GALNT18: variants seen among roughly 807,000 people sequenced by gnomAD.
The protein encoded by GALNT18 is GalNAc-transferase 18.
GALNT18 carries 44 observed loss-of-function variants against 69.5 expected under a neutral mutation model. The ratio of observed to expected loss-of-function variants is 0.63; its 90% CI spans 0.50 to 0.81. The LOEUF is 0.81. Among genes scored for constraint, GALNT18 ranks in the 40% least tolerant of loss-of-function variants. The probability of loss-of-function intolerance (pLI) is 0.00; values close to 1 mark genes in which losing one functional copy is unlikely to be tolerated. For synonymous variants in GALNT18, 364 were observed against 318.2 expected, an observed-to-expected ratio of 1.14 and a Z score of -1.53; for missense variants, 715 against 810.0, an observed-to-expected ratio of 0.88 and a Z score of 1.42.
chr11:11,426,105 G>A (rs1448345932), intron 3 of GALNT18, among the ~76,000 whole-genome samples: 2 of 152,208 alleles, frequency 1.3e-5, no homozygotes, highest in Non-Finnish European at 2.9e-5. Context: ...GAGCCTGGTC[G>A]CTACTGTCAG....
intron 3 of GALNT18, among the ~76,000 whole-genome samples, chr11:11,419,777 C>T (rs1010386567): frequency 1.3e-5 from 2 of 148,850 alleles, no homozygotes; most frequent in Non-Finnish European, 3.0e-5. Context: ...CTTTACGTCT[C>T]CTCCCTAAAA....
At chr11:11,593,874 T>G (rs1292299545) in intron 1 of GALNT18, among the ~76,000 whole-genome samples, 5 of 152,258 alleles carry the variant, frequency 3.3e-5, no homozygotes, top group Non-Finnish European at 7.3e-5. Flanking sequence ...ATGAGCCTCA[T>G]GCTCATTGGA....
chr11:11,455,758 C>A (rs1373704642), intron 1 of GALNT18, among the ~76,000 whole-genome samples: 1 of 152,148 alleles, frequency 6.6e-6, no homozygotes, highest in Admixed American at 6.5e-5. Flanking sequence ...AAGCAAGTAT[C>A]CCAAAGCTCA....
In GALNT18 at chr11:11,489,208, T is replaced by C. The variant is rs566858573; in HGVS notation, c.236-40272A>G. The stretch of plus-strand genomic sequence containing the variant: ...TATTCCATCCCCACAGGAGTATGAA[T>C]GGGGGAGCATTATTATGACAGTGAA... On this transcript the variant is annotated intron_variant, in intron 1 of 10. Coordinates refer to ENST00000227756, the MANE Select transcript of GALNT18 (RefSeq NM_198516.3). 1.3e-4 allele frequency among the ~76,000 whole-genome samples: 20 copies of C among 152,264 alleles called. No homozygotes were observed. In the East Asian group the frequency reaches 1.9e-3, roughly 15 times the overall value.
chr11:11,415,834 C>A lies in GALNT18; in HGVS notation c.595+16787G>T, dbSNP rs1414246121. ...TAGAATTCAGGAATTCAGCAAGCAG[C>A]AACGCTCTCCACTGTTGGACTCACA... On this transcript the variant is annotated intron_variant, in intron 3 of 10. Transcript: ENST00000227756. The surrounding 1 kb of genome is among the most constrained non-coding windows in gnomAD (Gnocchi z 4.1). Among the ~76,000 whole-genome samples, 1 of 152,188 alleles carries A rather than the reference C, an allele frequency of 6.6e-6. No individual in the cohort carries two copies. The highest frequency in any genetic ancestry group is 1.5e-5 in the Non-Finnish European group (1 of 68,040).
At chr11:11,531,903 G>A (rs35242414) in intron 1 of GALNT18, among the ~76,000 whole-genome samples, 13,434 of 152,238 alleles carry the variant, frequency 0.088, 777 homozygotes, top group Non-Finnish European at 0.13. Context: ...GGATGTGTAT[G>A]TGTTTTATGT....
rs541436169 is a variant in GALNT18, at chr11:11,583,026, T to C, written c.235+38333A>G. ...TCCCAAAATGAGAGGCATGGGACTC[T>C]AAGTCCTGCCAACACTCAACTCAGG... On this transcript the variant is annotated intron_variant, in intron 1 of 10. Transcript: ENST00000227756. The surrounding 1 kb of genome is among the most constrained non-coding windows in gnomAD (Gnocchi z 4.7). Among the ~76,000 whole-genome samples the C allele has an allele frequency of 1.7e-4, 26 of 152,320 alleles. No homozygotes were observed. Among genetic ancestry groups the C allele is most frequent in the Admixed American group, 3.3e-4 (5 of 15,300 alleles).
intron 1 of GALNT18, among the ~76,000 whole-genome samples, chr11:11,539,667 C>A (rs1490642430): frequency 6.6e-6 from 1 of 152,174 alleles, no homozygotes; most frequent in Admixed American, 6.5e-5. Flanking sequence ...GGGTTCCATG[C>A]ACCCCGCTTC....
rs1181826606 is a variant in GALNT18, at chr11:11,586,744, CG to C, written c.235+34614del. On this transcript the variant is annotated intron_variant, in intron 1 of 10. Coordinates refer to ENST00000227756, the MANE Select transcript of GALNT18 (RefSeq NM_198516.3). The surrounding 1 kb of genome is among the most constrained non-coding windows in gnomAD (Gnocchi z 4.1). ...ATCACAGCCCTTTGGGACGCCGAGG[CG>C]GGCAGATCACCTGAGGTCAGGAGTT... is the stretch of plus-strand genomic sequence containing the variant. 6.6e-6 allele frequency among the ~76,000 whole-genome samples: 1 copy of C among 152,056 alleles called. No individual in the cohort carries two copies. Among genetic ancestry groups the C allele is most frequent in the Admixed American group, 6.6e-5 (1 of 15,256 alleles).
At chr11:11,417,968 T>C (rs932476831) in intron 3 of GALNT18, among the ~76,000 whole-genome samples, 2 of 152,260 alleles carry the variant, frequency 1.3e-5, no homozygotes, top group Non-Finnish European at 2.9e-5. Context: ...CAAATAGCTC[T>C]TGTCTGTATT....
intron 3 of GALNT18, among the ~76,000 whole-genome samples, chr11:11,385,706 G>A (rs1186735991): frequency 5.3e-5 from 8 of 152,154 alleles, no homozygotes; most frequent in Non-Finnish European, 1.0e-4. Flanking sequence ...AGAAGTAGTT[G>A]TCAATTAGGG....
At chr11:11,351,876 G>A (rs1589928765) in intron 6 of GALNT18, 2 of 1,241,262 alleles carry the variant, frequency 1.6e-6, no homozygotes, top group Non-Finnish European at 2.3e-6. Context: ...CCCGCCAGGC[G>A]CAAGCTGCAT....
intron 1 of GALNT18, among the ~76,000 whole-genome samples, chr11:11,504,449 A>C (rs1475827258): frequency 6.6e-6 from 1 of 151,238 alleles, no homozygotes; most frequent in Admixed American, 6.6e-5. Flanking sequence ...GAAAAAAAAA[A>C]CTTGATCACA....
At chr11:11,281,868 C>T (rs1343888622) in intron 10 of GALNT18, among the ~76,000 whole-genome samples, 1 of 151,838 alleles carries the variant, frequency 6.6e-6, no homozygotes, top group African/African-American at 2.4e-5. Flanking sequence ...CTGAGCCTGT[C>T]AGGGAGGGTG....
intron 1 of GALNT18, among the ~76,000 whole-genome samples, chr11:11,571,434 C>T (rs1291822198): frequency 6.6e-6 from 1 of 152,214 alleles, no homozygotes; most frequent in East Asian, 1.9e-4. Flanking sequence ...TAGCTCTGCT[C>T]TCTGAGTCCG....
At position 11,603,767 on chromosome 11, in the gene GALNT18, G is replaced by A. The variant is rs1251893138; in HGVS notation, c.235+17592C>T. Among the ~76,000 whole-genome samples the A allele has an allele frequency of 6.6e-6, 1 of 152,100 alleles. No individual in the cohort carries two copies. The highest frequency in any genetic ancestry group is 1.5e-5 in the Non-Finnish European group (1 of 68,040). On this transcript the variant is annotated intron_variant, in intron 1 of 10. Coordinates refer to ENST00000227756, the MANE Select transcript of GALNT18 (RefSeq NM_198516.3). The surrounding 1 kb of genome is among the most constrained non-coding windows in gnomAD (Gnocchi z 4.5). The stretch of plus-strand genomic sequence containing the variant: ...AAGGTCTCCCAAGAGGGGAAAAGGG[G>A]GACAGAAATTACTGAAATCAGAGTT...
intron 1 of GALNT18, among the ~76,000 whole-genome samples, chr11:11,481,283 T>G (rs1235673313): frequency 1.0e-4 from 1 of 9,896 alleles, no homozygotes; most frequent in East Asian, 0.17. Context: ...CTACATGCCC[T>G]GTGCTCCTCG....
intron 1 of GALNT18, among the ~76,000 whole-genome samples, chr11:11,610,433 TGTAAA>T (rs1309355681): frequency 6.6e-6 from 1 of 152,186 alleles, no homozygotes; most frequent in Non-Finnish European, 1.5e-5. Flanking sequence ...AGGTGACAGG[TGTAAA>T]GTATTTAGCA....
chr11:11,431,672 C>T (rs998242859), intron 3 of GALNT18, among the ~76,000 whole-genome samples: 1 of 152,146 alleles, frequency 6.6e-6, no homozygotes, highest in African/African-American at 2.4e-5. Flanking sequence ...CAATGTATTT[C>T]AGCTTTAATT....
Sources: allele counts gnomAD v4.1 joint callset (sites outside exome capture counted in the v4.1 genomes callset), GRCh38; gene constraint gnomAD v4.1.1; non-coding constraint Gnocchi (gnomAD v3.1); transcripts MANE v1.5; gene names NCBI Gene and HGNC (gene_info 2026-07-23, HGNC 2026-07-21).